Variants in EHHADH observed in about 807,000 individuals in gnomAD.
EHHADH encodes the protein peroxisomal bifunctional enzyme.
A neutral mutation model predicts 64.4 loss-of-function variants in EHHADH; 48 were observed. The observed-to-expected ratio is 0.75, with a 90% CI of 0.59 to 0.95. The LOEUF (loss-of-function observed/expected upper bound fraction) is 0.95, where lower values mean the gene tolerates loss of function less well. Among genes scored for constraint, EHHADH ranks in the 40% least tolerant of loss-of-function variants. The pLI is 0.00. For missense variants in EHHADH, 854 were observed against 876.6 expected (o/e 0.97, Z 0.33); for synonymous variants, 308 against 326.7 (o/e 0.94, Z 0.62).
chr3:185,245,686 A>T (rs1719575772), intron 2 of EHHADH: 1 of 714,482 alleles, frequency 1.4e-6, no homozygotes, highest in South Asian at 1.5e-5. Context: ...ATCTTCCTTT[A>T]CAAGTTGGTT....
rs569382653 is a variant in EHHADH at position 185,245,821 on chromosome 3, G to A, written c.178+2593C>T. On this transcript the variant is annotated intron_variant, in intron 2 of 6. Coordinates refer to ENST00000231887, the MANE Select transcript of EHHADH (RefSeq NM_001966.4). ...AAGTTTTCTTGGTTCCTACTCAGAC[G>A]ACCTGTGGAGGTTGCATAACGAATT... is the stretch of plus-strand genomic sequence containing the variant. The A allele has an allele frequency of 3.0e-4, 232 of 775,876 alleles. 1 individual carries two copies. In the East Asian group the frequency reaches 5.2e-3, roughly 18 times the overall value. The allele number at this position is 775,876 out of a possible 1,614,324, so 48.1% of individuals were successfully genotyped here. A position where few individuals can be genotyped will look rare whatever the true frequency, so the allele number is the denominator to read the frequency against.
Position 185,241,557 on chromosome 3 carries a change from G to A in EHHADH, c.179-6095C>T, listed in dbSNP as rs1359328874. ...TTGCATTTCCCTGATCATTAGTGATGTTGAGCATTTTTTCATATGCTTGTT... is the reference window on the plus strand; with the variant it reads ...TTGCATTTCCCTGATCATTAGTGATATTGAGCATTTTTTCATATGCTTGTT... On this transcript the variant is annotated intron_variant, in intron 2 of 6. Transcript: ENST00000231887. Among the ~76,000 whole-genome samples the A allele has an allele frequency of 3.3e-5, 5 of 152,168 alleles. No individual in the cohort carries two copies. The East Asian group carries it at 9.6e-4, about 29-fold the overall frequency.
intron 6 of EHHADH, among the ~76,000 whole-genome samples, chr3:185,195,632 T>G (rs370693665): frequency 6.6e-6 from 1 of 152,138 alleles, no homozygotes; most frequent in African/African-American, 2.4e-5. Context: ...TGCAACAACA[T>G]AGATGCAGCT....
At position 185,235,379 on chromosome 3, in the gene EHHADH, T is replaced by A. The variant is rs1719262842; in HGVS notation, c.262A>T (p.Lys88Ter). ...CCTTGGATTGCTGCCACCACGGGCTTCTCATTTCTCTGTATTTCATCTACT... is the reference window on the plus strand; with the variant it reads ...CCTTGGATTGCTGCCACCACGGGCTACTCATTTCTCTGTATTTCATCTACT... ...HVVDEIQRNE[K>*]PVVAAIQGMA... Residue 88 changes from lysine (K) to a stop codon, truncating the protein, a stop_gained, in exon 3 of 7, where the codon AAG becomes TAG. Transcript: ENST00000231887. LOFTEE classifies it high-confidence loss of function. The A allele has an allele frequency of 6.2e-7, 1 of 1,613,812 alleles. No homozygotes were observed. Among genetic ancestry groups the A allele is most frequent in the Admixed American group, 1.7e-5 (1 of 59,970 alleles).
In EHHADH at chr3:185,193,470, G is replaced by A. The variant is rs200940532; in HGVS notation, c.928C>T (p.Arg310Ter). The A allele has an allele frequency of 1.2e-5, 20 of 1,613,892 alleles. No individual in the cohort carries two copies. The East Asian group carries it at 2.2e-4, about 18-fold the overall frequency. The part of the protein sequence containing the change: ...VGVVGLGTMG[R>*]GIVISFARAR... ...CTTGCAAAAGAAATGACAATGCCTCGGCCCATTGTTCCCAAGCCTGCAGAT... is the reference window on the plus strand; with the variant it reads ...CTTGCAAAAGAAATGACAATGCCTCAGCCCATTGTTCCCAAGCCTGCAGAT... Residue 310 changes from arginine (R) to a stop codon, truncating the protein, a stop_gained, in exon 7 of 7, where the codon CGA becomes TGA. Transcript: ENST00000231887. LOFTEE classifies it high-confidence loss of function.
At chr3:185,207,023 C>T (rs1211237873) in intron 5 of EHHADH, among the ~76,000 whole-genome samples, 1 of 151,954 alleles carries the variant, frequency 6.6e-6, no homozygotes, top group East Asian at 1.9e-4. Context: ...CACAGTAGCC[C>T]ACGCCTGTAA....
rs541627833 is a variant in EHHADH at position 185,237,925 on chromosome 3, C to T, written c.179-2463G>A. On this transcript the variant is annotated intron_variant, in intron 2 of 6. Coordinates refer to ENST00000231887, the MANE Select transcript of EHHADH (RefSeq NM_001966.4). The stretch of plus-strand genomic sequence containing the variant: ...CCAACCTCCTTGCCCTTTTGAAGGT[C>T]CCTATGTCTATTACTTCCCTCTGTA... Among the ~76,000 whole-genome samples, 5 of 152,178 alleles carry T rather than the reference C, an allele frequency of 3.3e-5. No individual in the cohort carries two copies. In the South Asian group the frequency reaches 1.0e-3, roughly 32 times the overall value.
chr3:185,240,179 G>A (rs376534548), intron 2 of EHHADH, among the ~76,000 whole-genome samples: 1 of 151,110 alleles, frequency 6.6e-6, no homozygotes, highest in Non-Finnish European at 1.5e-5. Flanking sequence ...TTTTGCTGAT[G>A]ATTTTAGCAT....
At chr3:185,206,656 C>T (rs1043578705) in intron 5 of EHHADH, among the ~76,000 whole-genome samples, 5 of 151,538 alleles carry the variant, frequency 3.3e-5, no homozygotes, top group Non-Finnish European at 5.9e-5. Context: ...GGTGAAACCC[C>T]ATCTCTACTA....
rs537234890 is a variant in EHHADH at position 185,238,716 on chromosome 3, G to T, written c.179-3254C>A. 1.1e-3 allele frequency among the ~76,000 whole-genome samples: 172 copies of T among 152,256 alleles called. 1 individual carries two copies. The highest frequency in any genetic ancestry group is 3.5e-3 in the Admixed American group (54 of 15,264). On this transcript the variant is annotated intron_variant, in intron 2 of 6. Coordinates refer to ENST00000231887, the MANE Select transcript of EHHADH (RefSeq NM_001966.4). ...ATATTAGTCCTTTGTCGGATGCACA[G>T]TTTGCAAATATTTTCTCCCATTCTG...
chr3:185,224,501 CAAAAAAA>C (rs757023353), intron 4 of EHHADH, among the ~76,000 whole-genome samples: 5 of 51,610 alleles, frequency 9.7e-5, no homozygotes, highest in East Asian at 6.0e-4. Flanking sequence ...ACCCTGTCAC[CAAAAAAA>C]AAAAAAAAAA....
At chr3:185,235,516 T>C in intron 2 of EHHADH, 54 bp from the exon 3 acceptor site, 1 of 1,434,198 alleles carries the variant, frequency 7.0e-7, no homozygotes, top group Non-Finnish European at 9.4e-7. Context: ...TGGGCATTGT[T>C]ATATAACAGT....
intron 4 of EHHADH, among the ~76,000 whole-genome samples, chr3:185,228,062 A>G (rs1719035820): frequency 6.7e-6 from 1 of 149,518 alleles, no homozygotes; most frequent in African/African-American, 2.4e-5. Context: ...GTATTGTTGC[A>G]TATGTTCTTT....
chr3:185,208,575 A>T (rs1343921707), intron 5 of EHHADH, among the ~76,000 whole-genome samples: 1 of 152,244 alleles, frequency 6.6e-6, no homozygotes, highest in Non-Finnish European at 1.5e-5. Flanking sequence ...GTTGCTTCTG[A>T]GAGTGTAAAA....
chr3:185,204,471 G>A lies in EHHADH; in HGVS notation c.855C>T (p.Ser285=), dbSNP rs752275123. ...CTGATGCTGTTTTCCACGATGCTCC[G>A]GAGGGAGTTGACCACTTATTTGCTT... ...ERKANKWSTP[S]GASWKTASAR... The change falls in exon 6 of 7, where the codon TCC becomes TCT. Residue 285 remains serine, a synonymous_variant. Coordinates refer to ENST00000231887, the MANE Select transcript of EHHADH (RefSeq NM_001966.4). 81 of 1,613,806 alleles carry A rather than the reference G, an allele frequency of 5.0e-5. No homozygotes were observed. The highest frequency in any genetic ancestry group is 1.7e-4 in the African/African-American group (13 of 74,918).
chr3:185,250,444 T>G (rs1416115141), intron 1 of EHHADH, among the ~76,000 whole-genome samples: 1 of 152,160 alleles, frequency 6.6e-6, no homozygotes, highest in East Asian at 1.9e-4. Flanking sequence ...AGGAGGGGAT[T>G]AATAAGTACC....
intron 2 of EHHADH, among the ~76,000 whole-genome samples, chr3:185,240,653 C>T (rs1017116179): frequency 1.3e-5 from 2 of 150,882 alleles, no homozygotes; most frequent in African/African-American, 4.9e-5. Flanking sequence ...TTATTTGAAA[C>T]TTCTCTCTTT....
chr3:185,225,266 A>T (rs115415569), intron 4 of EHHADH, among the ~76,000 whole-genome samples: 8 of 152,116 alleles, frequency 5.3e-5, no homozygotes, highest in African/African-American at 1.9e-4. Flanking sequence ...CTTCCATAAA[A>T]CCTGCTCTAT....
intron 5 of EHHADH, among the ~76,000 whole-genome samples, chr3:185,209,694 A>C (rs1166243492): frequency 6.6e-6 from 1 of 152,248 alleles, no homozygotes; most frequent in Non-Finnish European, 1.5e-5. Flanking sequence ...TATATTGTAT[A>C]ATCTCAGCCT....
Sources: gnomAD v4.1 joint callset for allele counts (sites outside exome capture counted in the v4.1 genomes callset) on GRCh38, gnomAD v4.1.1 for gene constraint, MANE v1.5 for transcripts, NCBI Gene and HGNC (gene_info 2026-07-23, HGNC 2026-07-21) for gene names.